The following LINGO2 variants were observed in gnomAD, a reference collection of about 807,000 sequenced individuals.
LINGO2 encodes the protein leucine-rich repeat and immunoglobulin-like domain-containing nogo receptor-interacting protein 2.
LINGO2 carries 14 observed loss-of-function variants against 30.6 expected under a neutral mutation model. That is an observed-to-expected ratio of 0.46 (90% CI 0.30 to 0.72). LINGO2 has a LOEUF of 0.72. LINGO2 is among the 30% of genes least tolerant of loss of function. The pLI is 0.07. For missense variants in LINGO2, 729 were observed against 751.7 expected (o/e 0.97, Z 0.35); for synonymous variants, 317 against 288.5 (o/e 1.10, Z -1.00).
At chr9:28,327,090 C>A (rs1218569475) in intron 3 of LINGO2, among the ~76,000 whole-genome samples, 1 of 152,098 alleles carries the variant, frequency 6.6e-6, no homozygotes, top group South Asian at 2.1e-4. Context: ...AGTACCATTA[C>A]AAAAAGGCTT....
the LINGO2 span, among the ~76,000 whole-genome samples, chr9:28,870,793 A>C: frequency 6.6e-6 from 1 of 152,128 alleles, no homozygotes; most frequent in Admixed American, 6.6e-5. Flanking sequence ...AATATCAACA[A>C]GTATGGGAAA....
chr9:28,060,622 G>A (rs947624847), intron 4 of LINGO2, among the ~76,000 whole-genome samples: 2 of 152,104 alleles, frequency 1.3e-5, no homozygotes, highest in Non-Finnish European at 2.9e-5. Context: ...CTGCCTCAAC[G>A]ACAGGCTAAC....
intron 5 of LINGO2, among the ~76,000 whole-genome samples, chr9:27,970,137 C>T (rs1292285468): frequency 2.0e-5 from 3 of 152,072 alleles, no homozygotes; most frequent in Admixed American, 2.0e-4. Context: ...GTAGAGTGAC[C>T]ATAGACTATA....
At chr9:28,550,510 A>G (rs1245547904) in intron 1 of LINGO2, among the ~76,000 whole-genome samples, 2 of 151,782 alleles carry the variant, frequency 1.3e-5, no homozygotes, top group African/African-American at 2.4e-5. Context: ...CACTTCTTAA[A>G]CATATTTATT....
chr9:29,197,085 G>A, the LINGO2 span, among the ~76,000 whole-genome samples: 1 of 152,024 alleles, frequency 6.6e-6, no homozygotes, highest in Non-Finnish European at 1.5e-5. Context: ...AGACCAAAGT[G>A]TTGGAATTTT....
At chr9:29,132,886 T>TG in the LINGO2 span, among the ~76,000 whole-genome samples, 1 of 152,004 alleles carries the variant, frequency 6.6e-6, no homozygotes, top group East Asian at 1.9e-4. Context: ...TAATCCTTTT[T>TG]TTTTTACTGT....
chr9:29,210,136 A>G, the LINGO2 span, among the ~76,000 whole-genome samples: 30 of 152,320 alleles, frequency 2.0e-4, no homozygotes, highest in East Asian at 5.6e-3. Flanking sequence ...AGAGGACTCA[A>G]ATGGTTTTCT....
the LINGO2 span, among the ~76,000 whole-genome samples, chr9:28,809,743 CTCAAAAAAAAAAAAAAAAAAAGCT>C: frequency 1.1e-5 from 1 of 87,418 alleles, no homozygotes; most frequent in African/African-American, 4.4e-5. Context: ...CAGACTCTGT[CTCAAAAAAAAAAAAAAAAAAAGCT>C]TGGATGATTA....
intron 4 of LINGO2, among the ~76,000 whole-genome samples, chr9:28,041,666 T>A (rs529992193): frequency 1.3e-5 from 2 of 152,324 alleles, no homozygotes; most frequent in South Asian, 2.1e-4. Context: ...TTTATATATT[T>A]GATCTAATCA....
At chr9:28,978,545 G>GA in the LINGO2 span, among the ~76,000 whole-genome samples, 9 of 152,042 alleles carry the variant, frequency 5.9e-5, no homozygotes, top group East Asian at 1.9e-4. Context: ...AGGAAAATAA[G>GA]AAAAAATGGA....
At position 28,260,886 on chromosome 9, in the gene LINGO2, C is replaced by T. The variant is rs149736500; in HGVS notation, c.-87+34322G>A. Reference sequence around the variant, plus strand: ...TGGATATTCAGTGATACGAGCATTCCGTGAATGCTATCTGAGCAGAATTTA... The same window carrying T: ...TGGATATTCAGTGATACGAGCATTCTGTGAATGCTATCTGAGCAGAATTTA... On this transcript the variant is annotated intron_variant, in intron 4 of 5. Coordinates refer to ENST00000379992, the Ensembl canonical transcript of LINGO2. 2.9e-3 allele frequency among the ~76,000 whole-genome samples: 438 copies of T among 152,006 alleles called. 2 individuals are homozygous for T. Among genetic ancestry groups the T allele is most frequent in the African/African-American group, 9.0e-3 (375 of 41,498 alleles).
chr9:28,556,407 G>C (rs200382709), intron 1 of LINGO2, among the ~76,000 whole-genome samples: 2 of 152,012 alleles, frequency 1.3e-5, no homozygotes, highest in Admixed American at 6.5e-5. Context: ...TTGCTTCAAA[G>C]AGAATAAAAT....
chr9:29,061,203 G>A, the LINGO2 span, among the ~76,000 whole-genome samples: 9 of 151,950 alleles, frequency 5.9e-5, no homozygotes, highest in Non-Finnish European at 4.4e-5. Context: ...GCAGCAGCAT[G>A]CATAAATCTC....
chr9:28,901,074 T>C, the LINGO2 span, among the ~76,000 whole-genome samples: 1 of 152,060 alleles, frequency 6.6e-6, no homozygotes, highest in Admixed American at 6.6e-5. Context: ...AATAAGAGAC[T>C]AAAAGCATAT....
chr9:28,664,968 T>A (rs1320994301), intron 1 of LINGO2, among the ~76,000 whole-genome samples: 1 of 142,194 alleles, frequency 7.0e-6, no homozygotes, highest in East Asian at 2.1e-4. Flanking sequence ...AACAAGGACT[T>A]CATCTGTATT....
rs1272421856 is a variant in LINGO2, at chr9:28,349,650, G to A, written c.-246+23186C>T. 2.4e-3 allele frequency among the ~76,000 whole-genome samples: 332 copies of A among 137,402 alleles called. 2 individuals carry two copies. The highest frequency in any genetic ancestry group is 9.0e-3 in the African/African-American group (327 of 36,514). The allele number at this position is 137,402 out of a possible 152,430, so 90.1% of individuals were successfully genotyped here. On this transcript the variant is annotated intron_variant, in intron 3 of 5. Transcript: ENST00000379992. Reference sequence around the variant, plus strand: ...TTCAGATTCAGGAAATACAGAGAACGCCACAAAGATACTCCTCGAGAAGAG... The same window carrying A: ...TTCAGATTCAGGAAATACAGAGAACACCACAAAGATACTCCTCGAGAAGAG...
chr9:28,124,509 A>G (rs1206755194), intron 4 of LINGO2, among the ~76,000 whole-genome samples: 2 of 152,230 alleles, frequency 1.3e-5, no homozygotes, highest in Non-Finnish European at 2.9e-5. Flanking sequence ...CTATTAAAGC[A>G]AGAAAATACC....
intron 2 of LINGO2, among the ~76,000 whole-genome samples, chr9:28,431,515 T>C (rs1286082547): frequency 6.6e-6 from 1 of 152,194 alleles, no homozygotes; most frequent in Admixed American, 6.5e-5. Context: ...AATATTTTAG[T>C]CAAGATTGAA....
chr9:28,030,608 A>G (rs1823620130), intron 4 of LINGO2, among the ~76,000 whole-genome samples: 1 of 152,220 alleles, frequency 6.6e-6, no homozygotes, highest in South Asian at 2.1e-4. Flanking sequence ...GCAGATATTA[A>G]GTGTCTGCTC....
Sources: allele counts gnomAD v4.1 joint callset (sites outside exome capture counted in the v4.1 genomes callset), GRCh38; gene constraint gnomAD v4.1.1; transcripts MANE v1.5; gene names NCBI Gene and HGNC (gene_info 2026-07-23, HGNC 2026-07-21).